NEXN: variants seen among roughly 807,000 people sequenced by gnomAD.
NEXN encodes the protein nexilin F-actin binding protein, also known as nexilin.
In NEXN, 65 loss-of-function variants were observed where a neutral mutation model predicts 92.6. The observed-to-expected ratio is 0.70, with a 90% CI of 0.57 to 0.86. The LOEUF (loss-of-function observed/expected upper bound fraction) is 0.86, where lower values mean the gene tolerates loss of function less well. Ranked by LOEUF, NEXN falls within the 40% of genes least tolerant of loss-of-function variation. The pLI is 0.00. For synonymous variants in NEXN, 254 were observed against 242.5 expected, an observed-to-expected ratio of 1.05 and a Z score of -0.44; for missense variants, 778 against 771.1, an observed-to-expected ratio of 1.01 and a Z score of -0.11.
intron 1 of NEXN, among the ~76,000 whole-genome samples, chr1:77,897,210 A>G (rs1315545918): frequency 1.3e-5 from 2 of 152,238 alleles, no homozygotes; most frequent in Non-Finnish European, 2.9e-5. Flanking sequence ...CAACCAAAAA[A>G]GAGAATTTTA....
In NEXN at chr1:77,929,365, A is replaced by C. The variant is rs541547470; in HGVS notation, c.914A>C (p.Tyr305Ser). ...GACACAGCAAAAATTTTTAAAGGGT[A>C]CCGCCCTGGTAAACTCAAACTCAGT... Reference protein sequence around the residue: ...NQDTAKIFKGYRPGKLKLSFE... With the variant: ...NQDTAKIFKGSRPGKLKLSFE... Residue 305 changes from tyrosine (Y) to serine (S), a missense_variant, in exon 9 of 13, where the codon TAC (tyrosine) becomes TCC (serine). Tyr to Ser is a moderately radical substitution (Grantham distance 144). Coordinates refer to ENST00000334785, the MANE Select transcript of NEXN (RefSeq NM_144573.4). 6.2e-7 allele frequency: 1 copy of C among 1,613,922 alleles called. No individual in the cohort carries two copies. Among genetic ancestry groups the C allele is most frequent in the Admixed American group, 1.7e-5 (1 of 60,008 alleles).
intron 11 of NEXN, among the ~76,000 whole-genome samples, chr1:77,939,786 T>A (rs972613936): frequency 6.6e-6 from 1 of 152,200 alleles, no homozygotes; most frequent in African/African-American, 2.4e-5. Context: ...TAAAAACTTG[T>A]TAGCGGCTGA....
chr1:77,911,069 T>G (rs1444340264), intron 1 of NEXN, among the ~76,000 whole-genome samples: 2 of 152,094 alleles, frequency 1.3e-5, no homozygotes, highest in East Asian at 3.9e-4. Flanking sequence ...ACTCCTGGCC[T>G]CAAGCAACCC....
intron 8 of NEXN, among the ~76,000 whole-genome samples, chr1:77,927,683 A>G (rs1222297661): frequency 6.6e-6 from 1 of 151,974 alleles, no homozygotes; most frequent in Non-Finnish European, 1.5e-5. Flanking sequence ...AGATTCAGAT[A>G]TCAGCCATTT....
chr1:77,917,713 G>A lies in NEXN; in HGVS notation c.175G>A (p.Glu59Lys), dbSNP rs761888910. Residue 59 changes from glutamate (E) to lysine (K), a missense_variant, in exon 3 of 13, where the codon GAA becomes AAA. This residue lies in a region of NEXN where 236 missense variants were observed against 265.6 expected (regional missense o/e 0.89). Transcript: ENST00000334785. ...TAGAGACGAAAAACAAAGAAGAAAA[G>A]AACAATATATTAGAGAGAGAGAATG... is the stretch of plus-strand genomic sequence containing the variant. ...RSRDEKQRRK[E>K]QYIREREWNR... The A allele has an allele frequency of 2.1e-5, 34 of 1,611,304 alleles. No homozygotes were observed. Among genetic ancestry groups the A allele is most frequent in the Non-Finnish European group, 2.7e-5 (32 of 1,178,186 alleles).
In NEXN at chr1:77,936,083, AATG is replaced by A. The variant is rs759636433; in HGVS notation, c.1473+42_1473+44del. On this transcript the variant is annotated intron_variant, in intron 11 of 12. Transcript: ENST00000334785. ...ATATTTAACATAGTTATGGTACAGT[AATG>A]ATAATAAATTTAACAGAAGTAACAT... 1.2e-5 allele frequency: 17 copies of A among 1,405,074 alleles called. No homozygotes were observed. The Admixed American group carries it at 1.3e-4, about 11-fold the overall frequency. 87.0% of individuals were successfully genotyped at this position (1,405,074 alleles called of 1,614,324 possible). A position where few individuals can be genotyped will look rare whatever the true frequency, so the allele number is the denominator to read the frequency against.
chr1:77,927,614 G>A (rs147785566), intron 8 of NEXN, among the ~76,000 whole-genome samples: 1 of 151,262 alleles, frequency 6.6e-6, no homozygotes, highest in Admixed American at 6.6e-5. Context: ...GTGTGTGTGT[G>A]TGTGTGTGTG....
intron 1 of NEXN, among the ~76,000 whole-genome samples, chr1:77,903,400 G>T (rs1647871752): frequency 6.6e-6 from 1 of 152,134 alleles, no homozygotes; most frequent in Non-Finnish European, 1.5e-5. Context: ...TATAGCAACT[G>T]AAGTTAACTA....
intron 11 of NEXN, among the ~76,000 whole-genome samples, chr1:77,938,816 A>G (rs1471572990): frequency 6.6e-6 from 1 of 152,166 alleles, no homozygotes. Flanking sequence ...CTTCCAGATT[A>G]ACTCAGAGGT....
chr1:77,894,041 G>T (rs937801865), intron 1 of NEXN, among the ~76,000 whole-genome samples: 1 of 152,022 alleles, frequency 6.6e-6, no homozygotes, highest in Non-Finnish European at 1.5e-5. Context: ...GGCCAGGCTG[G>T]TCTCGAACTC....
chr1:77,926,229 C>T (rs1649826595), intron 6 of NEXN, among the ~76,000 whole-genome samples, 185 bp from the exon 7 acceptor site: 1 of 151,980 alleles, frequency 6.6e-6, no homozygotes, highest in African/African-American at 2.4e-5. Flanking sequence ...TGGATTTCAG[C>T]AAGATTAACT....
At chr1:77,936,321 C>T (rs1397480080) in intron 11 of NEXN, among the ~76,000 whole-genome samples, 7 of 152,168 alleles carry the variant, frequency 4.6e-5, no homozygotes, top group Non-Finnish European at 8.8e-5. Context: ...GGCGTGGTGG[C>T]TCACGCCTAT....
rs1651599793 is a variant in NEXN, at chr1:77,943,660, C to T, written c.*831C>T. On this transcript the variant is annotated 3_prime_UTR_variant, in exon 13 of 13. Transcript: ENST00000334785. ...AATTATATTTTAATGAAAAAACTTT[C>T]TATTAATAGTTCACGCAAGAGAAAA... The T allele has an allele frequency of 6.6e-6, 1 of 151,928 alleles. No individual in the cohort carries two copies. Among genetic ancestry groups the T allele is most frequent in the Non-Finnish European group, 1.5e-5 (1 of 67,904 alleles). The allele number at this position is 151,928 out of a possible 1,614,324, so 9.4% of individuals were successfully genotyped here.
intron 1 of NEXN, among the ~76,000 whole-genome samples, chr1:77,894,466 G>A (rs537495327): frequency 6.6e-6 from 1 of 151,756 alleles, no homozygotes; most frequent in Non-Finnish European, 1.5e-5. Flanking sequence ...TTGGAGACAG[G>A]GTCTCGATCT....
chr1:77,908,057 T>G (rs574419589), intron 1 of NEXN, among the ~76,000 whole-genome samples: 107 of 152,048 alleles, frequency 7.0e-4, no homozygotes, highest in African/African-American at 2.5e-3. Context: ...GAGACCAGCC[T>G]GGGCAACAGA....
At chr1:77,934,733 G>A (rs901051846) in intron 10 of NEXN, among the ~76,000 whole-genome samples, 1 of 152,188 alleles carries the variant, frequency 6.6e-6, no homozygotes, top group African/African-American at 2.4e-5. Flanking sequence ...CTTGGCCCCT[G>A]CCAGGGGCCA....
intron 1 of NEXN, among the ~76,000 whole-genome samples, chr1:77,900,596 T>C (rs1255336027): frequency 6.6e-6 from 1 of 152,176 alleles, no homozygotes; most frequent in African/African-American, 2.4e-5. Context: ...TTTGATAAAT[T>C]GTGTATGGGT....
chr1:77,915,911 G>C, intron 1 of NEXN, 144 bp from the exon 2 acceptor site: 1 of 226,738 alleles, frequency 4.4e-6, no homozygotes. Flanking sequence ...TTGGGAAAAA[G>C]AGCTAAAGGT....
chr1:77,938,848 T>C (rs1419670198), intron 11 of NEXN, among the ~76,000 whole-genome samples: 1 of 152,066 alleles, frequency 6.6e-6, no homozygotes, highest in East Asian at 1.9e-4. Context: ...ATCTGGGGAA[T>C]GGAAAACAGG....
Sources: gnomAD v4.1 joint callset for allele counts (sites outside exome capture counted in the v4.1 genomes callset) on GRCh38, gnomAD v4.1.1 for gene constraint, gnomAD v4.1.1 regional missense constraint, MANE v1.5 for transcripts, NCBI Gene and HGNC (gene_info 2026-07-23, HGNC 2026-07-21) for gene names.